Variants in TBC1D8 observed in about 807,000 individuals in gnomAD.
TBC1D8 encodes the protein BUB2-like protein 1.
TBC1D8 carries 65 observed loss-of-function variants against 118.8 expected under a neutral mutation model. The ratio of observed to expected loss-of-function variants is 0.55; its 90% CI spans 0.45 to 0.67. The LOEUF is 0.67. TBC1D8 is among the 30% of genes least tolerant of loss of function. The pLI is 0.00. For synonymous variants in TBC1D8, 566 were observed against 595.8 expected, an observed-to-expected ratio of 0.95 and a Z score of 0.73; for missense variants, 1,376 against 1,471.2, an observed-to-expected ratio of 0.94 and a Z score of 1.06.
At chr2:101,059,352 C>T in intron 3 of TBC1D8, 69 bp downstream of exon 3, 1 of 1,239,308 alleles carries the variant, frequency 8.1e-7, no homozygotes, top group South Asian at 1.3e-5. Context: ...TAGTATGCTA[C>T]AGTGTTCGGA....
intron 2 of TBC1D8, among the ~76,000 whole-genome samples, chr2:101,066,430 A>G (rs761835138): frequency 6.6e-5 from 10 of 152,192 alleles, no homozygotes; most frequent in Admixed American, 5.9e-4. Context: ...TGGTATTTAC[A>G]TAAGATTAAA....
At chr2:101,037,823 T>C in intron 7 of TBC1D8, 115 bp from the exon 8 acceptor site, 1 of 1,301,624 alleles carries the variant, frequency 7.7e-7, no homozygotes, top group Non-Finnish European at 1.1e-6. Context: ...CAGACTTCAA[T>C]GACTCAGGGG....
At chr2:101,072,944 G>A (rs1309249055) in intron 2 of TBC1D8, among the ~76,000 whole-genome samples, 2 of 152,164 alleles carry the variant, frequency 1.3e-5, no homozygotes, top group East Asian at 1.9e-4. Flanking sequence ...GAGATTCGAA[G>A]GGGACAAAAC....
chr2:101,100,889 A>G (rs993093628), intron 1 of TBC1D8, among the ~76,000 whole-genome samples: 2 of 152,116 alleles, frequency 1.3e-5, no homozygotes, highest in Admixed American at 1.3e-4. Flanking sequence ...AAAATTAACT[A>G]TTAACTCAAG....
At chr2:101,144,495 CAA>C (rs772043748) in intron 1 of TBC1D8, among the ~76,000 whole-genome samples, 20 of 152,260 alleles carry the variant, frequency 1.3e-4, no homozygotes, top group South Asian at 8.3e-4. Flanking sequence ...AGAGGCAACC[CAA>C]GAGGTGGTTC....
chr2:101,114,122 AAC>A (rs1388352061), intron 1 of TBC1D8, among the ~76,000 whole-genome samples: 1 of 152,176 alleles, frequency 6.6e-6, no homozygotes, highest in East Asian at 1.9e-4. Flanking sequence ...GTATATTAAA[AAC>A]AGTCAGGCTT....
intron 1 of TBC1D8, among the ~76,000 whole-genome samples, chr2:101,137,725 C>T (rs1038710720): frequency 2.6e-5 from 4 of 152,130 alleles, no homozygotes; most frequent in South Asian, 2.1e-4. Flanking sequence ...AGCATTTACC[C>T]CAGACAAGAC....
At chr2:101,087,218 C>A (rs1675695188) in intron 2 of TBC1D8, among the ~76,000 whole-genome samples, 1 of 152,168 alleles carries the variant, frequency 6.6e-6, no homozygotes, top group Non-Finnish European at 1.5e-5. Context: ...TATCACCCAG[C>A]CAAAGTGTCA....
intron 1 of TBC1D8, among the ~76,000 whole-genome samples, chr2:101,128,584 C>T (rs985045777): frequency 6.6e-6 from 1 of 152,246 alleles, no homozygotes; most frequent in African/African-American, 2.4e-5. Flanking sequence ...AGCAATTCCA[C>T]TTCTGGGTCT....
intron 2 of TBC1D8, among the ~76,000 whole-genome samples, chr2:101,072,927 T>G (rs540428254): frequency 1.3e-5 from 2 of 152,160 alleles, no homozygotes; most frequent in Non-Finnish European, 2.9e-5. Flanking sequence ...AGGTCACATT[T>G]CAATATGAGA....
At chr2:101,065,941 G>A (rs1227966338) in intron 2 of TBC1D8, among the ~76,000 whole-genome samples, 1 of 152,080 alleles carries the variant, frequency 6.6e-6, no homozygotes, top group Non-Finnish European at 1.5e-5. Context: ...AGTCAGAAAT[G>A]ACACAAAAAA....
chr2:101,053,838 T>G (rs1457996759), intron 4 of TBC1D8, among the ~76,000 whole-genome samples: 1 of 152,200 alleles, frequency 6.6e-6, no homozygotes, highest in Non-Finnish European at 1.5e-5. Context: ...TAACACTATG[T>G]TTTCTAAACA....
intron 5 of TBC1D8, among the ~76,000 whole-genome samples, chr2:101,049,745 G>T (rs565529006): frequency 5.1e-4 from 77 of 151,970 alleles, no homozygotes; most frequent in African/African-American, 1.8e-3. Flanking sequence ...AATAAAAAAA[G>T]AAAAAGAAAA....
intron 4 of TBC1D8, among the ~76,000 whole-genome samples, 162 bp from the exon 5 acceptor site, chr2:101,050,803 C>T (rs1366375535): frequency 6.6e-6 from 1 of 152,152 alleles, no homozygotes; most frequent in Non-Finnish European, 1.5e-5. Flanking sequence ...TGCAGGTTTG[C>T]AATACAGGTA....
chr2:101,151,296 C>A lies in TBC1D8; in HGVS notation c.-43G>T. On this transcript the variant is annotated 5_prime_UTR_variant, in exon 1 of 20. Coordinates refer to ENST00000409318, the MANE Select transcript of TBC1D8 (RefSeq NM_001330348.2). ...GCCCGCCGGCCCCAGCTCACATCTCCCCGGCCGCCGGTCGCTGTGAGCCGA... is the reference window on the plus strand; with the variant it reads ...GCCCGCCGGCCCCAGCTCACATCTCACCGGCCGCCGGTCGCTGTGAGCCGA... 1.8e-6 allele frequency: 2 copies of A among 1,111,424 alleles called. No homozygotes were observed. Among genetic ancestry groups the A allele is most frequent in the Non-Finnish European group, 2.2e-6 (2 of 898,474 alleles). 68.8% of individuals were successfully genotyped at this position (1,111,424 alleles called of 1,614,324 possible). A position where few individuals can be genotyped will look rare whatever the true frequency, so the allele number is the denominator to read the frequency against.
At chr2:101,052,788 CTG>C (rs1434207635) in intron 4 of TBC1D8, among the ~76,000 whole-genome samples, 2 of 152,212 alleles carry the variant, frequency 1.3e-5, no homozygotes, top group Non-Finnish European at 2.9e-5. Context: ...TAGAGAATGA[CTG>C]TTTTTATTTT....
intron 2 of TBC1D8, among the ~76,000 whole-genome samples, chr2:101,080,227 C>T (rs936443295): frequency 1.3e-5 from 2 of 152,104 alleles, no homozygotes; most frequent in South Asian, 2.1e-4. Flanking sequence ...CGCAGCACCC[C>T]GAGCGTGACC....
intron 5 of TBC1D8, among the ~76,000 whole-genome samples, chr2:101,042,036 A>T (rs933265563): frequency 2.6e-5 from 4 of 152,084 alleles, no homozygotes; most frequent in Non-Finnish European, 5.9e-5. Flanking sequence ...AAAAAAAAAA[A>T]GTTGAGATGC....
chr2:101,092,918 C>A (rs959206847), intron 1 of TBC1D8, among the ~76,000 whole-genome samples: 7 of 152,094 alleles, frequency 4.6e-5, no homozygotes, highest in Admixed American at 6.6e-5. Flanking sequence ...GTACAGCTGA[C>A]CCTTGAACAA....
Sources: gnomAD v4.1 joint callset for allele counts (sites outside exome capture counted in the v4.1 genomes callset) on GRCh38, gnomAD v4.1.1 for gene constraint, MANE v1.5 for transcripts, NCBI Gene and HGNC (gene_info 2026-07-23, HGNC 2026-07-21) for gene names.